Variants in GBP6 observed in about 807,000 individuals in gnomAD.
The protein encoded by GBP6 is guanylate binding protein family member 6.
Under a neutral mutation model 61.5 loss-of-function variants are expected in GBP6, and 54 were observed. The ratio of observed to expected loss-of-function variants is 0.88; its 90% CI spans 0.71 to 1.10. The LOEUF is 1.10. Among genes scored for constraint, GBP6 ranks in the 50% least tolerant of loss-of-function variants. The pLI is 0.00. For synonymous variants in GBP6, 255 were observed against 273.7 expected (o/e 0.93, Z 0.67); for missense variants, 748 against 752.8 (o/e 0.99, Z 0.07).
At chr1:89,384,815 T>G (rs1403972998) in intron 10 of GBP6, among the ~76,000 whole-genome samples, 3 of 152,184 alleles carry the variant, frequency 2.0e-5, no homozygotes, top group Non-Finnish European at 4.4e-5. Flanking sequence ...TAGCACACAG[T>G]GTAGGGAGAA....
At chr1:89,373,201 T>G (rs1314398308) in intron 3 of GBP6, among the ~76,000 whole-genome samples, 1 of 152,178 alleles carries the variant, frequency 6.6e-6, no homozygotes, top group Non-Finnish European at 1.5e-5. Flanking sequence ...ATAGGAACAC[T>G]TTTACACTGT....
intron 1 of GBP6, among the ~76,000 whole-genome samples, chr1:89,367,920 C>T (rs1222630607): frequency 6.6e-6 from 1 of 152,198 alleles, no homozygotes; most frequent in Non-Finnish European, 1.5e-5. Context: ...AAACAAAATG[C>T]CATGAAATCG....
chr1:89,378,651 G>A, intron 5 of GBP6, 38 bp downstream of exon 5: 1 of 1,504,148 alleles, frequency 6.6e-7, no homozygotes, highest in Non-Finnish European at 9.2e-7. Context: ...TGGTCCACTG[G>A]GTGTGTGATC....
chr1:89,377,238 CCCTATTCAGT>C (rs1652833027), intron 3 of GBP6, among the ~76,000 whole-genome samples: 2 of 152,174 alleles, frequency 1.3e-5, no homozygotes, highest in Admixed American at 1.3e-4. Context: ...TACTGGAGCT[CCCTATTCAGT>C]CTTATCTTCT....
At chr1:89,381,421 A>G (rs1304793178) in intron 6 of GBP6, among the ~76,000 whole-genome samples, 1 of 152,064 alleles carries the variant, frequency 6.6e-6, no homozygotes, top group African/African-American at 2.4e-5. Context: ...TAATTTTTTA[A>G]ATGAGAAATT....
chr1:89,382,945 G>A, intron 8 of GBP6, 69 bp downstream of exon 8: 1 of 967,684 alleles, frequency 1.0e-6, no homozygotes, highest in Non-Finnish European at 1.7e-6. Context: ...ACCAGCCGTG[G>A]GTAATAAGAG....
chr1:89,381,647 T>G, intron 6 of GBP6, 47 bp from the exon 7 acceptor site: 4 of 1,552,986 alleles, frequency 2.6e-6, no homozygotes, highest in Non-Finnish European at 2.6e-6. Flanking sequence ...AGGATCCCAC[T>G]GAGCTTTAAT....
intron 6 of GBP6, 42 bp from the exon 7 acceptor site, chr1:89,381,652 T>C (rs1570470290): frequency 1.9e-6 from 3 of 1,561,112 alleles, no homozygotes; most frequent in Non-Finnish European, 2.6e-6. Context: ...CCCACTGAGC[T>C]TTAATTTCAT....
chr1:89,365,009 C>T lies in GBP6; in HGVS notation c.-24+882C>T, dbSNP rs553625919. The stretch of plus-strand genomic sequence containing the variant: ...TTCCCACCCCCACCCCCAGCGCCAA[C>T]CCCCCGCCGCCCGTGTCCACATGTT... On this transcript the variant is annotated intron_variant, in intron 1 of 10. Coordinates refer to ENST00000370456, the MANE Select transcript of GBP6 (RefSeq NM_198460.3). Among the ~76,000 whole-genome samples the T allele has an allele frequency of 4.0e-4, 45 of 111,428 alleles. 1 individual carries two copies. The East Asian group carries it at 0.011, about 27-fold the overall frequency. The allele number at this position is 111,428 out of a possible 152,430, so 73.1% of individuals were successfully genotyped here. A position where few individuals can be genotyped will look rare whatever the true frequency, so the allele number is the denominator to read the frequency against.
intron 2 of GBP6, 57 bp from the exon 3 acceptor site, chr1:89,369,489 C>A: frequency 6.3e-7 from 1 of 1,576,708 alleles, no homozygotes; most frequent in South Asian, 1.2e-5. Flanking sequence ...GCTGTGGCCC[C>A]AGGGCGGCTT....
chr1:89,368,458 G>A, intron 1 of GBP6, 71 bp from the exon 2 acceptor site: 1 of 1,154,346 alleles, frequency 8.7e-7, no homozygotes, highest in Non-Finnish European at 1.3e-6. Flanking sequence ...AGTCTCATTA[G>A]TCCTATGTTG....
intron 10 of GBP6, among the ~76,000 whole-genome samples, chr1:89,384,919 C>G (rs1233776974): frequency 6.6e-6 from 1 of 152,212 alleles, no homozygotes. Flanking sequence ...GACCATGCTG[C>G]CCAACTGGGA....
Position 89,375,276 on chromosome 1 carries a change from A to T in GBP6, c.319-2827A>T, listed in dbSNP as rs191445173. 6.6e-5 allele frequency among the ~76,000 whole-genome samples: 10 copies of T among 152,332 alleles called. No homozygotes were observed. In the East Asian group the frequency reaches 1.9e-3, roughly 29 times the overall value. On this transcript the variant is annotated intron_variant, in intron 3 of 10. Coordinates refer to ENST00000370456, the MANE Select transcript of GBP6 (RefSeq NM_198460.3). ...CAATCATATGAAAAAAAAGCTCGAC[A>T]TCACTGATCATTACAGAAATCCAAA... is the stretch of plus-strand genomic sequence containing the variant.
rs990626640 is a variant in GBP6, at chr1:89,380,469, G to C, written c.709G>C (p.Asp237His). 2 of 1,613,906 alleles carry C rather than the reference G, an allele frequency of 1.2e-6. No individual in the cohort carries two copies. The highest frequency in any genetic ancestry group is 2.2e-5 in the South Asian group (2 of 91,070). ...TCCAAAACGGAAGTGTTTCGTCTTT[G>C]ACCGGCCAACAAATGACAAAGACCT... ...FFPKRKCFVFDRPTNDKDLLA... is the reference protein window; with the variant it reads ...FFPKRKCFVFHRPTNDKDLLA... Residue 237 changes from aspartate to histidine, a missense_variant, in exon 6 of 11, where the codon GAC becomes CAC. Physicochemically the swap from Asp to His is moderately conservative, Grantham distance 81. Coordinates refer to ENST00000370456, the MANE Select transcript of GBP6 (RefSeq NM_198460.3).
intron 2 of GBP6, 94 bp downstream of exon 2, chr1:89,368,835 C>T: frequency 9.3e-7 from 1 of 1,080,394 alleles, no homozygotes; most frequent in Non-Finnish European, 1.3e-6. Context: ...AGGTAGACTC[C>T]AATTCCTTTC....
Position 89,385,168 on chromosome 1 carries a change from A to G in GBP6, c.1663-62A>G, listed in dbSNP as rs1387104141. 3 of 1,447,292 alleles carry G rather than the reference A, an allele frequency of 2.1e-6. No homozygotes were observed. In the African/African-American group the frequency reaches 4.2e-5, roughly 20 times the overall value. 89.7% of individuals were successfully genotyped at this position (1,447,292 alleles called of 1,614,324 possible). ...GTTTCACACAGGTTTTAAATACAAA[A>G]TGTAAGTCTTAAAAGAATAGGGATT... On this transcript the variant is annotated intron_variant, in intron 10 of 10. Coordinates refer to ENST00000370456, the MANE Select transcript of GBP6 (RefSeq NM_198460.3).
At chr1:89,385,094 CCA>C (rs1653097105) in intron 10 of GBP6, 134 bp from the exon 11 acceptor site, 2 of 754,016 alleles carry the variant, frequency 2.7e-6, no homozygotes, top group East Asian at 5.4e-5. Context: ...ATGTCTAGGT[CCA>C]AATTCTCCTC....
intron 1 of GBP6, among the ~76,000 whole-genome samples, chr1:89,365,968 A>G (rs184669157): frequency 9.2e-4 from 140 of 152,378 alleles, no homozygotes; most frequent in African/African-American, 3.2e-3. Flanking sequence ...AAATACAGGT[A>G]TCATAGAAAA....
chr1:89,383,527 G>C, intron 8 of GBP6, 125 bp from the exon 9 acceptor site: 1 of 678,986 alleles, frequency 1.5e-6, no homozygotes. Context: ...CGCACACTTT[G>C]TAGGGGGCCA....
Sources: gnomAD v4.1 joint callset for allele counts (sites outside exome capture counted in the v4.1 genomes callset) on GRCh38, gnomAD v4.1.1 for gene constraint, MANE v1.5 for transcripts, NCBI Gene and HGNC (gene_info 2026-07-23, HGNC 2026-07-21) for gene names.